PARPBP: variants seen among roughly 807,000 people sequenced by gnomAD.
PARPBP encodes the protein PCNA-interacting partner.
PARPBP carries 52 observed loss-of-function variants against 50.0 expected under a neutral mutation model. The observed-to-expected ratio is 1.04, with a 90% CI of 0.83 to 1.31. The LOEUF (loss-of-function observed/expected upper bound fraction) is 1.31. PARPBP is among the 50% of genes most tolerant of loss of function. The pLI is 0.00. For missense variants in PARPBP, 697 were observed against 672.0 expected, an observed-to-expected ratio of 1.04 and a Z score of -0.41; for synonymous variants, 244 against 232.1, an observed-to-expected ratio of 1.05 and a Z score of -0.47.
At chr12:102,183,445 C>G (rs1382733961) in intron 9 of PARPBP, among the ~76,000 whole-genome samples, 1 of 152,044 alleles carries the variant, frequency 6.6e-6, no homozygotes, top group African/African-American at 2.4e-5. Context: ...CCTGTTTCAT[C>G]TACATACCCT....
intron 9 of PARPBP, among the ~76,000 whole-genome samples, chr12:102,183,982 G>C (rs532086210): frequency 4.1e-5 from 6 of 146,650 alleles, no homozygotes; most frequent in Admixed American, 2.8e-4. Flanking sequence ...AGAATCGCTT[G>C]AGTCTGGGAG....
chr12:102,192,171 G>A (rs918685260), intron 9 of PARPBP, among the ~76,000 whole-genome samples: 2 of 152,080 alleles, frequency 1.3e-5, no homozygotes, highest in African/African-American at 4.8e-5. Context: ...GAACTGGCCT[G>A]ATTCTGAGAT....
At chr12:102,135,536 C>CAAAA (rs34890863) in intron 2 of PARPBP, among the ~76,000 whole-genome samples, 3 of 50,516 alleles carry the variant, frequency 5.9e-5, no homozygotes, top group South Asian at 8.6e-4. Context: ...ACTCCGTCTC[C>CAAAA]AAAAAAAAAA....
intron 2 of PARPBP, among the ~76,000 whole-genome samples, chr12:102,141,345 TTCC>T (rs1234544694): frequency 1.3e-5 from 2 of 152,262 alleles, no homozygotes; most frequent in East Asian, 3.9e-4. Flanking sequence ...TTGGTAGATC[TTCC>T]TCCATCCCTT....
intron 2 of PARPBP, among the ~76,000 whole-genome samples, chr12:102,139,694 G>T (rs985607051): frequency 6.6e-6 from 1 of 152,170 alleles, no homozygotes. Context: ...TAGCCTGAAG[G>T]GCTGTTGAAT....
At chr12:102,128,320 C>T (rs575328298) in intron 2 of PARPBP, among the ~76,000 whole-genome samples, 3 of 152,206 alleles carry the variant, frequency 2.0e-5, no homozygotes, top group Admixed American at 6.5e-5. Context: ...CAAGCTCCCC[C>T]TCCCGGGTTC....
At chr12:102,144,814 T>C (rs1885139000) in intron 2 of PARPBP, among the ~76,000 whole-genome samples, 1 of 152,164 alleles carries the variant, frequency 6.6e-6, no homozygotes, top group Non-Finnish European at 1.5e-5. Flanking sequence ...TGTGTAACCT[T>C]TGTGGGGTTG....
intron 2 of PARPBP, among the ~76,000 whole-genome samples, chr12:102,140,431 A>AC (rs1884388680): frequency 6.6e-6 from 1 of 152,016 alleles, no homozygotes. Flanking sequence ...TTTCAAAAAA[A>AC]CAGCTCCTGG....
At chr12:102,156,097 C>T (rs1366507095) in intron 4 of PARPBP, among the ~76,000 whole-genome samples, 1 of 151,780 alleles carries the variant, frequency 6.6e-6, no homozygotes. Context: ...AAGTGGCCCG[C>T]CACCATCTTG....
intron 9 of PARPBP, among the ~76,000 whole-genome samples, chr12:102,183,978 G>A (rs1890069446): frequency 6.9e-6 from 1 of 144,496 alleles, no homozygotes; most frequent in Non-Finnish European, 1.5e-5. Flanking sequence ...CAGGAGAATC[G>A]CTTGAGTCTG....
intron 9 of PARPBP, among the ~76,000 whole-genome samples, chr12:102,185,967 T>C (rs1390049854): frequency 6.6e-6 from 1 of 152,174 alleles, no homozygotes; most frequent in African/African-American, 2.4e-5. Context: ...GGGAGACTTT[T>C]TAGTACAGCT....
rs759599602 is a variant in PARPBP, at chr12:102,165,771, G to A, written c.709G>A (p.Gly237Arg). Residue 237 changes from glycine to arginine, a missense_variant, in exon 6 of 11, where the codon GGA becomes AGA. Coordinates refer to ENST00000327680, the MANE Select transcript of PARPBP (RefSeq NM_017915.5). ...FIRTIELGGK[G>R]YAPPPSDPLR... ...TAGAACAATAGAGCTTGGAGGGAAA[G>A]GATATGCACCACCACCATCAGATCC... 1.2e-6 allele frequency: 2 copies of A among 1,609,178 alleles called. No homozygotes were observed. Among genetic ancestry groups the A allele is most frequent in the Non-Finnish European group, 1.7e-6 (2 of 1,176,498 alleles).
chr12:102,196,346 A>T lies in PARPBP; in HGVS notation c.*55A>T, dbSNP rs1891318622. The T allele has an allele frequency of 1.9e-5, 22 of 1,165,866 alleles. No individual in the cohort carries two copies. In the East Asian group the frequency reaches 5.2e-4, roughly 28 times the overall value. The allele number at this position is 1,165,866 out of a possible 1,614,324, so 72.2% of individuals were successfully genotyped here. On this transcript the variant is annotated 3_prime_UTR_variant, in exon 11 of 11. Coordinates refer to ENST00000327680, the MANE Select transcript of PARPBP (RefSeq NM_017915.5). Reference sequence around the variant, plus strand: ...TATCTATAAACCATTCACCAAAGACATGCTTAATTTTTAAGAGATCAAGGT... The same window carrying T: ...TATCTATAAACCATTCACCAAAGACTTGCTTAATTTTTAAGAGATCAAGGT...
chr12:102,142,879 G>A (rs184297169), intron 2 of PARPBP, among the ~76,000 whole-genome samples: 18 of 152,202 alleles, frequency 1.2e-4, no homozygotes, highest in African/African-American at 2.9e-4. Context: ...ACACCCGGCC[G>A]TATGAGGTGT....
chr12:102,172,795 A>G (rs945698585), intron 6 of PARPBP, among the ~76,000 whole-genome samples: 8 of 152,214 alleles, frequency 5.3e-5, no homozygotes, highest in African/African-American at 1.9e-4. Flanking sequence ...AGACAGTCCC[A>G]GATTTTATTA....
chr12:102,140,499 T>G (rs536298163), intron 2 of PARPBP, among the ~76,000 whole-genome samples: 2 of 152,186 alleles, frequency 1.3e-5, no homozygotes, highest in African/African-American at 4.8e-5. Flanking sequence ...TGTGCTCTGA[T>G]CTTAGCTATT....
intron 5 of PARPBP, among the ~76,000 whole-genome samples, chr12:102,165,212 C>T (rs1888016999): frequency 6.6e-6 from 1 of 152,144 alleles, no homozygotes; most frequent in South Asian, 2.1e-4. Flanking sequence ...TTGAACTATA[C>T]ATGATCCCAG....
Position 102,184,138 on chromosome 12 carries a change from CT to C in PARPBP, c.1263+1513del, listed in dbSNP as rs557571258. Among the ~76,000 whole-genome samples, 4 of 149,908 alleles carry C rather than the reference CT, an allele frequency of 2.7e-5. No homozygotes were observed. The South Asian group carries it at 8.4e-4, about 32-fold the overall frequency. ...TACGTTAAATATTACCGGGAAAGGG[CT>C]TAGAGTTTTCTTTTATTTTATTTAC... On this transcript the variant is annotated intron_variant, in intron 9 of 10. Transcript: ENST00000327680.
chr12:102,134,747 T>C (rs1049653214), intron 2 of PARPBP, among the ~76,000 whole-genome samples: 1 of 152,124 alleles, frequency 6.6e-6, no homozygotes, highest in African/African-American at 2.4e-5. Flanking sequence ...GCACAATCAT[T>C]GTTCACTGCA....
Sources: allele counts gnomAD v4.1 joint callset (sites outside exome capture counted in the v4.1 genomes callset), GRCh38; gene constraint gnomAD v4.1.1; transcripts MANE v1.5; gene names NCBI Gene and HGNC (gene_info 2026-07-23, HGNC 2026-07-21).